PAN3: variants seen among roughly 807,000 people sequenced by gnomAD.
The protein encoded by PAN3 is poly(A) specific ribonuclease subunit PAN3, also known as PAN2-PAN3 deadenylation complex subunit PAN3.
PAN3 carries 19 observed loss-of-function variants against 96.2 expected under a neutral mutation model. That is an observed-to-expected ratio of 0.20 (90% CI 0.14 to 0.29). PAN3 has a LOEUF of 0.29. Ranked by LOEUF, PAN3 falls within the 10% of genes least tolerant of loss-of-function variation. The pLI, the probability that PAN3 is intolerant of heterozygous loss-of-function variation, is 1.00. For synonymous variants in PAN3, 433 were observed against 406.6 expected, an observed-to-expected ratio of 1.06 and a Z score of -0.78; for missense variants, 882 against 1,108.1, an observed-to-expected ratio of 0.80 and a Z score of 2.90.
Position 28,182,418 on chromosome 13 carries a change from G to A in PAN3, c.690+4483G>A, listed in dbSNP as rs570709762. Among the ~76,000 whole-genome samples the A allele has an allele frequency of 1.6e-4, 25 of 151,958 alleles. 1 individual carries two copies. The East Asian group carries it at 3.7e-3, about 22-fold the overall frequency. ...TCCATTTCTTTGGTTTATACCCATCGTTTATATTTCTTTGGTTTACTTTAG... is the reference window on the plus strand; with the variant it reads ...TCCATTTCTTTGGTTTATACCCATCATTTATATTTCTTTGGTTTACTTTAG... On this transcript the variant is annotated intron_variant, in intron 4 of 18. Transcript: ENST00000380958.
intron 6 of PAN3, among the ~76,000 whole-genome samples, chr13:28,250,349 T>A (rs1884605334): frequency 6.6e-6 from 1 of 151,942 alleles, no homozygotes; most frequent in Non-Finnish European, 1.5e-5. Flanking sequence ...GTGCATACCA[T>A]GTCTGGTTTA....
chr13:28,224,070 A>G (rs1326403728), intron 6 of PAN3, among the ~76,000 whole-genome samples: 1 of 151,226 alleles, frequency 6.6e-6, no homozygotes, highest in East Asian at 1.9e-4. Context: ...ACAGGGTTTC[A>G]CCATGTTAGC....
At chr13:28,242,668 G>A (rs1008854474) in intron 6 of PAN3, among the ~76,000 whole-genome samples, 1 of 152,204 alleles carries the variant, frequency 6.6e-6, no homozygotes, top group Non-Finnish European at 1.5e-5. Context: ...TGTATGAGAG[G>A]AAGGAGAAGC....
At chr13:28,263,054 G>A (rs1051604003) in intron 9 of PAN3, among the ~76,000 whole-genome samples, 2 of 152,112 alleles carry the variant, frequency 1.3e-5, no homozygotes, top group African/African-American at 4.8e-5. Flanking sequence ...TCTTTTCATG[G>A]AGTATGATAA....
intron 18 of PAN3, 101 bp downstream of exon 18, chr13:28,288,223 C>G (rs1869224600): frequency 1.9e-6 from 2 of 1,044,836 alleles, no homozygotes; most frequent in Admixed American, 5.8e-5. Context: ...TCAGGATGTA[C>G]TCTTAAAGTA....
At chr13:28,256,670 A>G (rs1885169266) in intron 7 of PAN3, 131 bp downstream of exon 7, 1 of 985,490 alleles carries the variant, frequency 1.0e-6, no homozygotes, top group African/African-American at 1.6e-5. Context: ...AACTTAGATG[A>G]GAAGTCTAGT....
At chr13:28,244,178 C>T (rs1883956433) in intron 6 of PAN3, among the ~76,000 whole-genome samples, 2 of 152,116 alleles carry the variant, frequency 1.3e-5, no homozygotes, top group South Asian at 4.2e-4. Flanking sequence ...AGCAGACTAG[C>T]CCTTTATTAA....
At chr13:28,178,168 G>T (rs569163052) in intron 4 of PAN3, among the ~76,000 whole-genome samples, 1 of 151,952 alleles carries the variant, frequency 6.6e-6, no homozygotes, top group Non-Finnish European at 1.5e-5. Flanking sequence ...GCTTATTTTT[G>T]TTCAGTTTAT....
intron 1 of PAN3, among the ~76,000 whole-genome samples, chr13:28,168,080 T>TA (rs1479954085): frequency 2.6e-5 from 4 of 152,316 alleles, no homozygotes; most frequent in East Asian, 1.9e-4. Context: ...ACTTCAGTAA[T>TA]ATCACATTGT....
chr13:28,209,357 C>A (rs543447237), intron 5 of PAN3, among the ~76,000 whole-genome samples: 1 of 152,226 alleles, frequency 6.6e-6, no homozygotes, highest in South Asian at 2.1e-4. Flanking sequence ...TACACACCTG[C>A]GTGCATACGC....
rs1487451654 is a variant in PAN3, at chr13:28,287,979, C to T, written c.2385-5C>T. 6 of 1,604,624 alleles carry T rather than the reference C, an allele frequency of 3.7e-6. No homozygotes were observed. In the East Asian group the frequency reaches 6.7e-5, roughly 18 times the overall value. Reference sequence around the variant, plus strand: ...TTACTGAGGTAAAATGTTCATTTCCCCCAGGTTTCAGAAGGATCCCACTTG... The same window carrying T: ...TTACTGAGGTAAAATGTTCATTTCCTCCAGGTTTCAGAAGGATCCCACTTG... On this transcript the variant is annotated splice_polypyrimidine_tract_variant and splice_region_variant and intron_variant, in intron 17 of 18. Coordinates refer to ENST00000380958, the MANE Select transcript of PAN3 (RefSeq NM_175854.8).
At chr13:28,253,673 G>A (rs1329359588) in intron 6 of PAN3, among the ~76,000 whole-genome samples, 1 of 149,658 alleles carries the variant, frequency 6.7e-6, no homozygotes, top group African/African-American at 2.5e-5. Flanking sequence ...GTTCATGGGC[G>A]CTTTGTGGCT....
At chr13:28,152,236 A>G (rs1871456207) in intron 1 of PAN3, among the ~76,000 whole-genome samples, 1 of 152,190 alleles carries the variant, frequency 6.6e-6, no homozygotes. Flanking sequence ...GCTAGTTTTA[A>G]TAAGCAAACA....
rs148218028 is a variant in PAN3, at chr13:28,159,136, T to G, written c.431-15136T>G. Among the ~76,000 whole-genome samples, 445 of 152,272 alleles carry G rather than the reference T, an allele frequency of 2.9e-3. 1 individual carries two copies. The highest frequency in any genetic ancestry group is 9.8e-3 in the African/African-American group (406 of 41,554). Reference sequence around the variant, plus strand: ...ACCCAAAGGCATATACGTTGTTCTGTCATAAAGACGCATGAATATGTTCAT... The same window carrying G: ...ACCCAAAGGCATATACGTTGTTCTGGCATAAAGACGCATGAATATGTTCAT... On this transcript the variant is annotated intron_variant, in intron 1 of 18. Coordinates refer to ENST00000380958, the MANE Select transcript of PAN3 (RefSeq NM_175854.8).
chr13:28,183,057 G>A (rs566304833), intron 4 of PAN3, among the ~76,000 whole-genome samples: 7 of 152,234 alleles, frequency 4.6e-5, no homozygotes, highest in Admixed American at 1.3e-4. Flanking sequence ...TAAATTTGGA[G>A]AAATTAATCT....
At chr13:28,228,222 T>C (rs1311237536) in intron 6 of PAN3, among the ~76,000 whole-genome samples, 1 of 152,234 alleles carries the variant, frequency 6.6e-6, no homozygotes, top group Admixed American at 6.5e-5. Context: ...CAGATGGTTG[T>C]AGCCCCTTCT....
chr13:28,277,347 C>G lies in PAN3; in HGVS notation c.2160C>G (p.Asn720Lys). The G allele has an allele frequency of 6.2e-7, 1 of 1,612,880 alleles. No individual in the cohort carries two copies. The highest frequency in any genetic ancestry group is 8.5e-7 in the Non-Finnish European group (1 of 1,179,430). ...LQKAMELVTI[N>K]YSSDLKNLIL... ...AAGCCATGGAACTGGTGACAATCAACTATTCCTCTGACCTGAAGAATCTGA... is the reference window on the plus strand; with the variant it reads ...AAGCCATGGAACTGGTGACAATCAAGTATTCCTCTGACCTGAAGAATCTGA... The change falls in exon 15 of 19, where the codon AAC (asparagine) becomes AAG (lysine). Residue 720 changes from asparagine to lysine, a missense_variant. By Grantham distance (94) the Asn-to-Lys change is moderately conservative (BLOSUM62 0). Transcript: ENST00000380958.
chr13:28,182,351 TA>T (rs1487101499), intron 4 of PAN3, among the ~76,000 whole-genome samples: 1 of 152,232 alleles, frequency 6.6e-6, no homozygotes, highest in Non-Finnish European at 1.5e-5. Flanking sequence ...CTTCTTTTTT[TA>T]TTCACCTAGT....
intron 7 of PAN3, among the ~76,000 whole-genome samples, chr13:28,257,745 A>G (rs1478239145): frequency 7.2e-6 from 1 of 138,630 alleles, no homozygotes; most frequent in African/African-American, 2.7e-5. Context: ...TAAATTATAT[A>G]TAATATATAA....
Sources: gnomAD v4.1 joint callset for allele counts (sites outside exome capture counted in the v4.1 genomes callset) on GRCh38, gnomAD v4.1.1 for gene constraint, MANE v1.5 for transcripts, NCBI Gene and HGNC (gene_info 2026-07-23, HGNC 2026-07-21) for gene names.